The following SGCD variants were observed in gnomAD, a reference collection of about 807,000 sequenced individuals.
SGCD encodes delta-sarcoglycan.
In SGCD, 18 loss-of-function variants were observed where a neutral mutation model predicts 36.6. The ratio of observed to expected loss-of-function variants is 0.49; its 90% CI spans 0.34 to 0.73. SGCD has a LOEUF of 0.73. Among genes scored for constraint, SGCD ranks in the 30% least tolerant of loss-of-function variants. SGCD has a pLI of 0.01. For missense variants in SGCD, 387 were observed against 346.7 expected (o/e 1.12, Z -0.92); for synonymous variants, 133 against 130.6 (o/e 1.02, Z -0.12).
intron 7 of SGCD, among the ~76,000 whole-genome samples, chr5:156,677,311 T>C (rs781681751): frequency 6.6e-6 from 1 of 152,194 alleles, no homozygotes; most frequent in African/African-American, 2.4e-5. Flanking sequence ...GTGGCACATA[T>C]ACACTATGGA....
At chr5:156,597,689 T>C (rs1391136532) in intron 6 of SGCD, among the ~76,000 whole-genome samples, 3 of 152,170 alleles carry the variant, frequency 2.0e-5, no homozygotes, top group African/African-American at 7.2e-5. Context: ...TTGATTCTTT[T>C]CCCCCTCTGT....
chr5:156,651,880 T>A (rs940002406), intron 7 of SGCD, among the ~76,000 whole-genome samples: 1 of 152,102 alleles, frequency 6.6e-6, no homozygotes, highest in Admixed American at 6.6e-5. Flanking sequence ...ATTTTAACAA[T>A]ATTGATTCTT....
chr5:156,434,838 A>G (rs1445048990), intron 3 of SGCD, among the ~76,000 whole-genome samples: 2 of 152,218 alleles, frequency 1.3e-5, no homozygotes, highest in Admixed American at 6.5e-5. Flanking sequence ...TTAATCAAAG[A>G]AACATGTATT....
intron 1 of SGCD, among the ~76,000 whole-genome samples, chr5:155,935,860 G>A (rs1035608340): frequency 6.6e-5 from 10 of 152,186 alleles, no homozygotes; most frequent in East Asian, 1.9e-4. Context: ...AAGGGTGAGC[G>A]GAGTTGTCAG....
chr5:155,958,993 T>C (rs11746017), intron 1 of SGCD, among the ~76,000 whole-genome samples: 5,827 of 152,182 alleles, frequency 0.038, 138 homozygotes, highest in African/African-American at 0.049. Flanking sequence ...TTTGGGAGTT[T>C]ATTGTCCAAA....
chr5:156,219,611 A>G (rs1291296320), intron 3 of SGCD, among the ~76,000 whole-genome samples: 1 of 152,196 alleles, frequency 6.6e-6, no homozygotes, highest in Non-Finnish European at 1.5e-5. Flanking sequence ...AGCTTCATTG[A>G]GAAGTGGCTG....
At chr5:156,570,311 C>T (rs1759669022) in intron 4 of SGCD, among the ~76,000 whole-genome samples, 2 of 151,416 alleles carry the variant, frequency 1.3e-5, no homozygotes. Flanking sequence ...TTCTTGGGTG[C>T]AGAGCTCTAC....
At chr5:156,334,614 T>TTTC (rs1554094050) in intron 2 of SGCD, among the ~76,000 whole-genome samples, 1 of 147,576 alleles carries the variant, frequency 6.8e-6, no homozygotes, top group Non-Finnish European at 1.5e-5. Context: ...ATTTTCTTTT[T>TTTC]TTTTTTTTTT....
chr5:156,253,517 A>G (rs1404317691), intron 3 of SGCD, among the ~76,000 whole-genome samples: 3 of 152,204 alleles, frequency 2.0e-5, no homozygotes, highest in African/African-American at 7.2e-5. Flanking sequence ...GTACTGACAT[A>G]TTTCGGTTAC....
chr5:156,068,075 C>A (rs1368784817), intron 1 of SGCD, among the ~76,000 whole-genome samples: 1 of 151,842 alleles, frequency 6.6e-6, no homozygotes, highest in East Asian at 1.9e-4. Context: ...CTGCAGTGGC[C>A]TGTGATGTCC....
At chr5:155,908,398 T>A (rs1756566584) in intron 1 of SGCD, among the ~76,000 whole-genome samples, 1 of 152,154 alleles carries the variant, frequency 6.6e-6, no homozygotes, top group Non-Finnish European at 1.5e-5. Flanking sequence ...CAGTTTGGTG[T>A]ATACTCATGA....
chr5:156,046,192 C>A (rs4418084), intron 1 of SGCD, among the ~76,000 whole-genome samples: 13 of 151,940 alleles, frequency 8.6e-5, no homozygotes, highest in African/African-American at 3.1e-4. Flanking sequence ...GCTTCATTTC[C>A]TATATTAGAC....
intron 7 of SGCD, among the ~76,000 whole-genome samples, chr5:156,652,397 G>T (rs554678954): frequency 6.6e-6 from 1 of 152,222 alleles, no homozygotes; most frequent in East Asian, 1.9e-4. Context: ...GCTAAGGCAT[G>T]AGGATGGCTT....
intron 3 of SGCD, among the ~76,000 whole-genome samples, chr5:156,457,083 A>T (rs1754294658): frequency 6.6e-6 from 1 of 152,184 alleles, no homozygotes; most frequent in African/African-American, 2.4e-5. Flanking sequence ...CCAAAACCAC[A>T]TTTTTATGCT....
chr5:156,678,626 G>C (rs761161553), intron 7 of SGCD, among the ~76,000 whole-genome samples: 2 of 152,172 alleles, frequency 1.3e-5, no homozygotes, highest in Admixed American at 6.5e-5. Context: ...AAAGGTGATG[G>C]TTCATTATTA....
intron 1 of SGCD, among the ~76,000 whole-genome samples, chr5:155,994,950 C>T (rs1390105568): frequency 2.0e-5 from 3 of 152,164 alleles, no homozygotes; most frequent in Non-Finnish European, 4.4e-5. Flanking sequence ...GCAAAGGCCA[C>T]GCAACCATTC....
At chr5:156,262,728 G>A (rs1460031428) in intron 3 of SGCD, among the ~76,000 whole-genome samples, 2 of 151,972 alleles carry the variant, frequency 1.3e-5, no homozygotes, top group African/African-American at 4.8e-5. Flanking sequence ...CACTGTATCA[G>A]TCTTATGCCT....
intron 6 of SGCD, among the ~76,000 whole-genome samples, chr5:156,627,922 C>T (rs1762493995): frequency 6.6e-6 from 1 of 152,084 alleles, no homozygotes; most frequent in African/African-American, 2.4e-5. Flanking sequence ...GTGTGTTAGG[C>T]CATTCTTGAA....
intron 3 of SGCD, among the ~76,000 whole-genome samples, chr5:156,233,353 G>C (rs1003895682): frequency 1.3e-5 from 2 of 152,180 alleles, no homozygotes; most frequent in African/African-American, 4.8e-5. Context: ...ATCATAACGG[G>C]AATTCTCTAA....
Sources: gnomAD v4.1 joint callset for allele counts (sites outside exome capture counted in the v4.1 genomes callset) on GRCh38, gnomAD v4.1.1 for gene constraint, MANE v1.5 for transcripts, NCBI Gene and HGNC (gene_info 2026-07-23, HGNC 2026-07-21) for gene names.